The following SNX29 variants were observed in gnomAD, a reference collection of about 807,000 sequenced individuals.
SNX29 encodes sorting nexin-29.
In SNX29, 78 loss-of-function variants were observed where a neutral mutation model predicts 102.1. The ratio of observed to expected loss-of-function variants is 0.76; its 90% CI spans 0.64 to 0.92. SNX29 has a LOEUF of 0.92. SNX29 is among the 40% of genes least tolerant of loss of function. The pLI, the probability that SNX29 is intolerant of heterozygous loss-of-function variation, is 0.00. For missense variants in SNX29, 1,280 were observed against 1,061.7 expected, an observed-to-expected ratio of 1.21 and a Z score of -2.86; for synonymous variants, 580 against 414.5, an observed-to-expected ratio of 1.40 and a Z score of -4.85.
intron 20 of SNX29, among the ~76,000 whole-genome samples, chr16:12,529,404 C>T (rs545264897): frequency 1.5e-4 from 23 of 152,248 alleles, no homozygotes; most frequent in African/African-American, 3.1e-4. Flanking sequence ...TGTGAGGTAC[C>T]GTTCGTGGAG....
chr16:12,417,874 G>T (rs777628591), intron 18 of SNX29, among the ~76,000 whole-genome samples: 1 of 152,088 alleles, frequency 6.6e-6, no homozygotes, highest in Admixed American at 6.6e-5. Context: ...GAAGAGAAGC[G>T]CTGTATGCCG....
intron 20 of SNX29, among the ~76,000 whole-genome samples, chr16:12,547,592 C>G (rs1404535465): frequency 1.3e-5 from 2 of 152,022 alleles, no homozygotes; most frequent in South Asian, 4.2e-4. Flanking sequence ...ATTAAATACA[C>G]CCCCACGAAG....
At chr16:12,473,360 G>C (rs35083214) in intron 18 of SNX29, among the ~76,000 whole-genome samples, 34,513 of 152,106 alleles carry the variant, frequency 0.23, 4,821 homozygotes, top group South Asian at 0.38. Context: ...CAAATGAGGT[G>C]AGACTGGAAT....
At chr16:12,250,106 T>C (rs2078377858) in intron 14 of SNX29, among the ~76,000 whole-genome samples, 1 of 152,178 alleles carries the variant, frequency 6.6e-6, no homozygotes, top group African/African-American at 2.4e-5. Flanking sequence ...GAGAGCTTCC[T>C]GCAGGAACCA....
intron 3 of SNX29, among the ~76,000 whole-genome samples, chr16:12,009,475 GTGTGTATATA>G (rs1384589703): frequency 2.1e-5 from 3 of 140,566 alleles, no homozygotes; most frequent in African/African-American, 7.6e-5. Context: ...GTGTGTGTGT[GTGTGTATATA>G]TATATATGTA....
intron 14 of SNX29, among the ~76,000 whole-genome samples, chr16:12,253,328 A>G (rs2078475875): frequency 6.6e-6 from 1 of 152,258 alleles, no homozygotes; most frequent in African/African-American, 2.4e-5. Flanking sequence ...GAAAGTGAAT[A>G]AAACAGATAA....
chr16:12,538,426 A>T (rs1019604390), intron 20 of SNX29, among the ~76,000 whole-genome samples: 4 of 152,150 alleles, frequency 2.6e-5, no homozygotes, highest in African/African-American at 9.7e-5. Flanking sequence ...TGGGAGTAAT[A>T]ACTGAGAATG....
intron 16 of SNX29, among the ~76,000 whole-genome samples, chr16:12,391,621 G>GCATC (rs369882823): frequency 0.011 from 1,731 of 152,230 alleles, 12 homozygotes; most frequent in Non-Finnish European, 0.018. Context: ...ATCTATGCGT[G>GCATC]CATCCATCCA....
intron 15 of SNX29, among the ~76,000 whole-genome samples, chr16:12,330,105 C>A (rs891011440): frequency 1.3e-5 from 2 of 152,150 alleles, no homozygotes; most frequent in Non-Finnish European, 1.5e-5. Flanking sequence ...TAATTTACAG[C>A]TTAAGTATTA....
chr16:12,389,637 TAAAA>T (rs201726773), intron 16 of SNX29, among the ~76,000 whole-genome samples: 13 of 150,624 alleles, frequency 8.6e-5, no homozygotes, highest in Non-Finnish European at 1.8e-4. Flanking sequence ...TTTCTAAACT[TAAAA>T]AAAAAATCAT....
At chr16:12,123,478 CATCATATACATATAT>C (rs2054066766) in intron 11 of SNX29, among the ~76,000 whole-genome samples, 1 of 152,078 alleles carries the variant, frequency 6.6e-6, no homozygotes, top group Non-Finnish European at 1.5e-5. Context: ...TATACATATA[CATCATATACATATAT>C]ATCATATACA....
At position 12,571,643 on chromosome 16, in the gene SNX29, AAGAC is replaced by A. The variant is rs562291405; in HGVS notation, c.*3015_*3018del. The A allele has an allele frequency of 1.3e-4, 134 of 1,059,084 alleles. 1 individual carries two copies. The African/African-American group carries it at 2.0e-3, about 16-fold the overall frequency. The allele number at this position is 1,059,084 out of a possible 1,614,324, so 65.6% of individuals were successfully genotyped here. A position where few individuals can be genotyped will look rare whatever the true frequency, so the allele number is the denominator to read the frequency against. On this transcript the variant is annotated 3_prime_UTR_variant, in exon 21 of 21. Transcript: ENST00000566228. ...ACATCTTTTTTTCTCCCCCAGATGA[AAGAC>A]GACTCAGGAACGGTAGGGCTGGGCA...
chr16:12,279,198 T>A (rs1369190505), intron 15 of SNX29, among the ~76,000 whole-genome samples: 1 of 152,184 alleles, frequency 6.6e-6, no homozygotes, highest in African/African-American at 2.4e-5. Context: ...ATTTTGATAA[T>A]CAAGAAGACA....
intron 15 of SNX29, among the ~76,000 whole-genome samples, chr16:12,301,619 G>A (rs938292764): frequency 5.3e-5 from 8 of 152,174 alleles, no homozygotes; most frequent in African/African-American, 7.2e-5. Flanking sequence ...TCTCGATTAC[G>A]TCGTTGTTGG....
In SNX29 at chr16:12,489,254, A is replaced by G. The variant is rs183046174; in HGVS notation, c.2178+11395A>G. 4.6e-5 allele frequency among the ~76,000 whole-genome samples: 7 copies of G among 151,896 alleles called. No individual in the cohort carries two copies. In the East Asian group the frequency reaches 1.4e-3, roughly 30 times the overall value. ...ACAAAAAACAAATTGAGAACTGTGTATTGCAATCTTGGTTCATCTCTAACA... is the reference window on the plus strand; with the variant it reads ...ACAAAAAACAAATTGAGAACTGTGTGTTGCAATCTTGGTTCATCTCTAACA... On this transcript the variant is annotated intron_variant, in intron 19 of 20. Coordinates refer to ENST00000566228, the MANE Select transcript of SNX29 (RefSeq NM_032167.5).
chr16:12,268,938 C>T (rs78529791), intron 14 of SNX29, among the ~76,000 whole-genome samples: 1 of 152,052 alleles, frequency 6.6e-6, no homozygotes, highest in Non-Finnish European at 1.5e-5. Context: ...AACACAGATA[C>T]CCCCAAACAG....
At chr16:12,238,272 C>T (rs1050300268) in intron 14 of SNX29, among the ~76,000 whole-genome samples, 3 of 149,976 alleles carry the variant, frequency 2.0e-5, no homozygotes, top group Non-Finnish European at 4.4e-5. Context: ...GCCTTGGCCT[C>T]TCCATTCCAT....
At chr16:12,561,533 C>T (rs577610006) in intron 20 of SNX29, among the ~76,000 whole-genome samples, 1 of 152,276 alleles carries the variant, frequency 6.6e-6, no homozygotes, top group East Asian at 1.9e-4. Context: ...GTTAGTCTCT[C>T]CTCGCAGCCA....
rs561553200 is a variant in SNX29 at position 12,542,390 on chromosome 16, C to T, written c.2318+17549C>T. The stretch of plus-strand genomic sequence containing the variant: ...AAGTTCTATCACCCAGGGTGGAGTA[C>T]AGTGGCACAGTCTCCCCTCACTACA... On this transcript the variant is annotated intron_variant, in intron 20 of 20. Coordinates refer to ENST00000566228, the MANE Select transcript of SNX29 (RefSeq NM_032167.5). Among the ~76,000 whole-genome samples the T allele has an allele frequency of 2.9e-3, 439 of 152,354 alleles. 4 individuals carry two copies. Among genetic ancestry groups the T allele is most frequent in the African/African-American group, 9.1e-3 (380 of 41,580 alleles).
Sources: gnomAD v4.1 joint callset for allele counts (sites outside exome capture counted in the v4.1 genomes callset) on GRCh38, gnomAD v4.1.1 for gene constraint, MANE v1.5 for transcripts, NCBI Gene and HGNC (gene_info 2026-07-23, HGNC 2026-07-21) for gene names.